LEKR1: variants seen among roughly 807,000 people sequenced by gnomAD.
LEKR1 encodes protein LEKR1.
Under a neutral mutation model 72.4 loss-of-function variants are expected in LEKR1, and 59 were observed. That is an observed-to-expected ratio of 0.82 (90% CI 0.66 to 1.01). LEKR1 has a LOEUF of 1.01. Among genes scored for constraint, LEKR1 ranks in the 50% least tolerant of loss-of-function variants. The pLI, the probability that LEKR1 is intolerant of heterozygous loss-of-function variation, is 0.00. For missense variants in LEKR1, 728 were observed against 759.2 expected (o/e 0.96, Z 0.48); for synonymous variants, 257 against 263.2 (o/e 0.98, Z 0.23).
chr3:156,916,779 CT>C (rs1477010500), intron 3 of LEKR1, among the ~76,000 whole-genome samples: 1 of 152,118 alleles, frequency 6.6e-6, no homozygotes, highest in African/African-American at 2.4e-5. Context: ...CTGGTCAGAA[CT>C]TTCAATAATA....
At chr3:156,975,978 C>T (rs780400064) in intron 6 of LEKR1, among the ~76,000 whole-genome samples, 7 of 152,164 alleles carry the variant, frequency 4.6e-5, no homozygotes, top group South Asian at 2.1e-4. Context: ...AACAATAATA[C>T]ACTTATTTAA....
chr3:157,039,938 G>A (rs1388155663), intron 12 of LEKR1, among the ~76,000 whole-genome samples: 3 of 152,146 alleles, frequency 2.0e-5, no homozygotes, highest in Non-Finnish European at 4.4e-5. Flanking sequence ...GAGTAAGAGG[G>A]TAAAGGGAGG....
chr3:157,042,564 T>C (rs1735432081), intron 12 of LEKR1, among the ~76,000 whole-genome samples: 1 of 152,220 alleles, frequency 6.6e-6, no homozygotes, highest in Admixed American at 6.5e-5. Flanking sequence ...ATGTTCTCCT[T>C]AGTGGAATGT....
At chr3:156,842,000 G>A (rs1713976925) in intron 2 of LEKR1, among the ~76,000 whole-genome samples, 1 of 152,182 alleles carries the variant, frequency 6.6e-6, no homozygotes, top group African/African-American at 2.4e-5. Flanking sequence ...CATAGGAGCA[G>A]GAACTGCACA....
At chr3:156,989,232 A>G (rs1303697449) in intron 7 of LEKR1, among the ~76,000 whole-genome samples, 3 of 152,222 alleles carry the variant, frequency 2.0e-5, no homozygotes, top group Non-Finnish European at 4.4e-5. Flanking sequence ...ATGGCTACAT[A>G]ATATTCCAAT....
chr3:156,934,237 G>T (rs1725498698), intron 5 of LEKR1, among the ~76,000 whole-genome samples: 1 of 152,072 alleles, frequency 6.6e-6, no homozygotes, highest in Admixed American at 6.6e-5. Flanking sequence ...CAGGAATTTT[G>T]ATTGTTTTGC....
chr3:157,039,923 T>G lies in LEKR1; in HGVS notation c.1669-5417T>G, dbSNP rs142718812. Among the ~76,000 whole-genome samples, 284 of 152,282 alleles carry G rather than the reference T, an allele frequency of 1.9e-3. 1 individual carries two copies. Among genetic ancestry groups the G allele is most frequent in the African/African-American group, 6.5e-3 (269 of 41,556 alleles). On this transcript the variant is annotated intron_variant, in intron 12 of 12. Transcript: ENST00000356539. ...ATAAATTAGAATATTTACGTCTTTT[T>G]TAAAGAGTAAGAGGGTAAAGGGAGG... is the stretch of plus-strand genomic sequence containing the variant.
At chr3:156,845,419 C>T (rs575140891) in intron 2 of LEKR1, among the ~76,000 whole-genome samples, 1 of 151,716 alleles carries the variant, frequency 6.6e-6, no homozygotes, top group African/African-American at 2.4e-5. Context: ...AGTTTAGATC[C>T]TGAAGATTTT....
At chr3:156,836,273 A>G (rs1560012901) in intron 2 of LEKR1, among the ~76,000 whole-genome samples, 1 of 152,210 alleles carries the variant, frequency 6.6e-6, no homozygotes, top group Non-Finnish European at 1.5e-5. Flanking sequence ...TTGTTTACTT[A>G]CAATTTTGTG....
intron 3 of LEKR1, among the ~76,000 whole-genome samples, chr3:156,897,737 G>A (rs1473168896): frequency 6.6e-6 from 1 of 152,184 alleles, no homozygotes; most frequent in Non-Finnish European, 1.5e-5. Context: ...TGGATCACCT[G>A]AGGTCAGGAG....
intron 6 of LEKR1, among the ~76,000 whole-genome samples, chr3:156,953,442 C>T (rs1475088213): frequency 6.6e-6 from 1 of 151,560 alleles, no homozygotes; most frequent in Non-Finnish European, 1.5e-5. Flanking sequence ...TCACAGATCT[C>T]ATCCTATCAC....
chr3:156,941,219 G>C (rs944517767), intron 5 of LEKR1, among the ~76,000 whole-genome samples: 3 of 151,890 alleles, frequency 2.0e-5, no homozygotes, highest in African/African-American at 7.3e-5. Context: ...ATTTCTCTAG[G>C]TTTTCCATTT....
At chr3:157,037,334 C>G (rs912884644) in intron 12 of LEKR1, among the ~76,000 whole-genome samples, 10 of 151,610 alleles carry the variant, frequency 6.6e-5, no homozygotes, top group African/African-American at 2.2e-4. Context: ...ATATGTAATC[C>G]ATTAATTTTA....
rs372833376 is a variant in LEKR1, at chr3:157,011,482, G to C, written c.1179G>C (p.Leu393=). The C allele has an allele frequency of 1.1e-5, 18 of 1,612,338 alleles. No homozygotes were observed. In the African/African-American group the frequency reaches 2.4e-4, roughly 22 times the overall value. ...QLQETLRQKL[L]SDDNWKEKIE... is the part of the protein sequence containing the mutation. ...AAGAAACCCTTAGACAGAAGCTGCT[G>C]AGTGATGATAACTGGAAGGAGAAGG... is the stretch of plus-strand genomic sequence containing the variant. Residue 393 remains leucine (L), a synonymous_variant, in exon 10 of 13, where the codon CTG becomes CTC. Transcript: ENST00000356539.
At chr3:156,955,050 TCTC>T (rs1223662283) in intron 6 of LEKR1, among the ~76,000 whole-genome samples, 1 of 152,040 alleles carries the variant, frequency 6.6e-6, no homozygotes, top group Non-Finnish European at 1.5e-5. Flanking sequence ...CATTTGTAGT[TCTC>T]CTTGAAAAGG....
At chr3:157,025,456 A>ATGTG (rs140834685) in intron 11 of LEKR1, among the ~76,000 whole-genome samples, 2 of 150,526 alleles carry the variant, frequency 1.3e-5, no homozygotes, top group Non-Finnish European at 3.0e-5. Flanking sequence ...TAGAGTGTGT[A>ATGTG]TGTGTGTGTG....
Position 157,045,421 on chromosome 3 carries a change from CAGCTCCTGG to C in LEKR1, c.1756_1764del (p.Leu586_Leu588del). 1 of 1,614,112 alleles carries C rather than the reference CAGCTCCTGG, an allele frequency of 6.2e-7. No homozygotes were observed. Among genetic ancestry groups the C allele is most frequent in the Non-Finnish European group, 8.5e-7 (1 of 1,179,980 alleles). On this transcript the variant is annotated inframe_deletion, in exon 13 of 13. Coordinates refer to ENST00000356539, the MANE Select transcript of LEKR1 (RefSeq NM_001004316.3). ...AGAGGCTTTGAGTCAAGCCAGAGAACAGCTCCTGGAGCTCAGTAAGCTTCGTGGAAGTTT... is the reference window on the plus strand; with the variant it reads ...AGAGGCTTTGAGTCAAGCCAGAGAACAGCTCAGTAAGCTTCGTGGAAGTTT...
intron 3 of LEKR1, among the ~76,000 whole-genome samples, chr3:156,904,203 G>A (rs1001485015): frequency 6.6e-6 from 1 of 152,110 alleles, no homozygotes; most frequent in African/African-American, 2.4e-5. Flanking sequence ...AATAAATAAT[G>A]TGATTTTATT....
At chr3:156,844,734 C>T (rs908673187) in intron 2 of LEKR1, among the ~76,000 whole-genome samples, 10 of 151,862 alleles carry the variant, frequency 6.6e-5, no homozygotes, top group Admixed American at 5.9e-4. Context: ...TATGAATGTA[C>T]CAGTTTGTTT....
Sources: gnomAD v4.1 joint callset for allele counts (sites outside exome capture counted in the v4.1 genomes callset) on GRCh38, gnomAD v4.1.1 for gene constraint, MANE v1.5 for transcripts, NCBI Gene and HGNC (gene_info 2026-07-23, HGNC 2026-07-21) for gene names.